Variants in CLASP1 observed in about 807,000 individuals in gnomAD.
CLASP1 encodes CLIP-associating protein 1.
In CLASP1, 38 loss-of-function variants were observed where a neutral mutation model predicts 192.3. The ratio of observed to expected loss-of-function variants is 0.20; its 90% confidence interval spans 0.15 to 0.26. The LOEUF (loss-of-function observed/expected upper bound fraction) is 0.26. CLASP1 is among the 10% of genes least tolerant of loss of function. The pLI is 1.00. For synonymous variants in CLASP1, 691 were observed against 712.8 expected, an observed-to-expected ratio of 0.97 and a Z score of 0.49; for missense variants, 1,433 against 1,932.5, an observed-to-expected ratio of 0.74 and a Z score of 4.85.
intron 2 of CLASP1, among the ~76,000 whole-genome samples, chr2:121,549,441 A>G (rs111505058): frequency 0.038 from 5,842 of 152,210 alleles, 158 homozygotes; most frequent in East Asian, 0.14. Flanking sequence ...ATTCATAAAG[A>G]AAGTTCTTAG....
intron 37 of CLASP1, among the ~76,000 whole-genome samples, chr2:121,356,552 T>C (rs1038728141): frequency 6.6e-6 from 1 of 152,224 alleles, no homozygotes; most frequent in African/African-American, 2.4e-5. Context: ...ATTTCTTCAC[T>C]TTCTATGCCT....
At chr2:121,481,977 ACCTATGAAT>A (rs1241544578) in intron 8 of CLASP1, among the ~76,000 whole-genome samples, 2 of 152,136 alleles carry the variant, frequency 1.3e-5, no homozygotes, top group Non-Finnish European at 2.9e-5. Context: ...ACACAATATG[ACCTATGAAT>A]CCAAAATAGG....
At chr2:121,535,510 A>G (rs192791321) in intron 2 of CLASP1, among the ~76,000 whole-genome samples, 19 of 152,250 alleles carry the variant, frequency 1.2e-4, no homozygotes, top group African/African-American at 3.9e-4. Context: ...AAAATCCAGA[A>G]TAAAGTAAAG....
intron 30 of CLASP1, among the ~76,000 whole-genome samples, chr2:121,389,933 G>C (rs965035998): frequency 1.3e-5 from 2 of 152,058 alleles, no homozygotes; most frequent in Admixed American, 6.5e-5. Flanking sequence ...CTGTTTACAG[G>C]TCCAATCATA....
intron 28 of CLASP1, among the ~76,000 whole-genome samples, chr2:121,399,997 C>T (rs1194260846): frequency 6.6e-6 from 1 of 152,044 alleles, no homozygotes; most frequent in Non-Finnish European, 1.5e-5. Context: ...CCACAACCGG[C>T]CCCAGTCTAT....
chr2:121,439,669 G>C (rs2082932584), intron 19 of CLASP1, among the ~76,000 whole-genome samples: 1 of 151,872 alleles, frequency 6.6e-6, no homozygotes, highest in African/African-American at 2.4e-5. Context: ...CAATAGCAAA[G>C]ACTTGGAACC....
chr2:121,530,886 C>T lies in CLASP1; in HGVS notation c.196-561G>A, dbSNP rs764712132. ...CCCAGGGACTTTCTATTATAACCAT[C>T]CTTTTCTTGGGGTTGCGCTACTGTC... is the stretch of plus-strand genomic sequence containing the variant. On this transcript the variant is annotated intron_variant, in intron 2 of 39. Transcript: ENST00000263710. The T allele has an allele frequency of 3.7e-4, 254 of 692,792 alleles. No individual in the cohort carries two copies. The highest frequency in any genetic ancestry group is 4.4e-4 in the Admixed American group (22 of 49,666). The allele number at this position is 692,792 out of a possible 1,614,324, so 42.9% of individuals were successfully genotyped here.
At chr2:121,582,613 A>AGGAAAG (rs540153822) in intron 2 of CLASP1, among the ~76,000 whole-genome samples, 11 of 150,046 alleles carry the variant, frequency 7.3e-5, no homozygotes, top group Non-Finnish European at 1.0e-4. Context: ...GGAAGAGAAA[A>AGGAAAG]GGAAAGGGAA....
intron 1 of CLASP1, among the ~76,000 whole-genome samples, chr2:121,627,015 C>T (rs1239457438): frequency 6.7e-6 from 1 of 148,216 alleles, no homozygotes; most frequent in African/African-American, 2.6e-5. Context: ...TGCATTCCCA[C>T]AAGCAGCCTT....
chr2:121,562,732 TTTA>T lies in CLASP1; in HGVS notation c.196-32410_196-32408del, dbSNP rs532049529. Among the ~76,000 whole-genome samples, 149 of 152,264 alleles carry T rather than the reference TTTA, an allele frequency of 9.8e-4. No homozygotes were observed. The South Asian group carries it at 0.011, about 12-fold the overall frequency. On this transcript the variant is annotated intron_variant, in intron 2 of 39. Coordinates refer to ENST00000263710, the Ensembl canonical transcript of CLASP1. ...AAGCTTGGCTTTTGTCCTCTGGGGT[TTTA>T]TTATTGTTCAGGTTTTGTCTTTCAA...
chr2:121,645,852 G>A (rs1449609538), intron 1 of CLASP1, among the ~76,000 whole-genome samples: 1 of 152,180 alleles, frequency 6.6e-6, no homozygotes, highest in Non-Finnish European at 1.5e-5. Context: ...AAATCATTGT[G>A]TGGCAGTAAT....
chr2:121,546,946 G>A (rs1015997647), intron 2 of CLASP1, among the ~76,000 whole-genome samples: 1 of 152,168 alleles, frequency 6.6e-6, no homozygotes, highest in African/African-American at 2.4e-5. Flanking sequence ...CCTTTGGGCT[G>A]GCAACAGATC....
chr2:121,440,277 G>T (rs1022306122), intron 19 of CLASP1, among the ~76,000 whole-genome samples: 1 of 152,008 alleles, frequency 6.6e-6, no homozygotes, highest in Non-Finnish European at 1.5e-5. Context: ...ATAGGAAAAG[G>T]TGTCTTTTGT....
chr2:121,422,345 A>G (rs2079644922), intron 22 of CLASP1, among the ~76,000 whole-genome samples: 1 of 152,222 alleles, frequency 6.6e-6, no homozygotes, highest in South Asian at 2.1e-4. Context: ...ATTAATGTTT[A>G]ATTATTTCAA....
chr2:121,397,671 A>G (rs578222440), intron 29 of CLASP1, among the ~76,000 whole-genome samples: 51 of 152,332 alleles, frequency 3.3e-4, no homozygotes, highest in Admixed American at 2.6e-3. Context: ...ATGTTCTGTA[A>G]GGCAGCATTT....
At chr2:121,495,478 T>C (rs1018588870) in intron 8 of CLASP1, among the ~76,000 whole-genome samples, 4 of 151,004 alleles carry the variant, frequency 2.6e-5, no homozygotes, top group Non-Finnish European at 5.9e-5. Flanking sequence ...CTGACCAACA[T>C]GGTGAAACCC....
intron 15 of CLASP1, 78 bp downstream of exon 15, chr2:121,451,698 ATTCTTACAGAAAGC>A (rs1194870628): frequency 1.1e-6 from 1 of 949,000 alleles, no homozygotes; most frequent in African/African-American, 1.7e-5. Flanking sequence ...ATATTCCTCC[ATTCTTACAGAAAGC>A]CAGCTGGACC....
At chr2:121,377,016 T>G (rs186639256) in intron 34 of CLASP1, among the ~76,000 whole-genome samples, 56 of 152,318 alleles carry the variant, frequency 3.7e-4, no homozygotes, top group Non-Finnish European at 6.9e-4. Flanking sequence ...ACAATAGAGA[T>G]AAAGTACACA....
At chr2:121,608,661 A>G (rs2064778902) in intron 1 of CLASP1, among the ~76,000 whole-genome samples, 1 of 152,174 alleles carries the variant, frequency 6.6e-6, no homozygotes, top group South Asian at 2.1e-4. Flanking sequence ...CAGAAAAGCC[A>G]CCAAGCCAAA....
Sources: gnomAD v4.1 joint callset for allele counts (sites outside exome capture counted in the v4.1 genomes callset) on GRCh38, gnomAD v4.1.1 for gene constraint, MANE v1.5 for transcripts, NCBI Gene and HGNC (gene_info 2026-07-23, HGNC 2026-07-21) for gene names.